Variants in GDAP2 observed in about 807,000 individuals in gnomAD.
GDAP2 encodes ganglioside induced differentiation associated protein 2, also known as ganglioside-induced differentiation-associated protein 2.
GDAP2 carries 51 observed loss-of-function variants against 67.0 expected under a neutral mutation model. That is an observed-to-expected ratio of 0.76 (90% CI 0.61 to 0.96). The LOEUF is 0.96. Among genes scored for constraint, GDAP2 ranks in the 40% least tolerant of loss-of-function variants. The pLI, the probability that GDAP2 is intolerant of heterozygous loss-of-function variation, is 0.00. For missense variants in GDAP2, 547 were observed against 588.3 expected, an observed-to-expected ratio of 0.93 and a Z score of 0.73; for synonymous variants, 203 against 207.3, an observed-to-expected ratio of 0.98 and a Z score of 0.18.
At chr1:117,909,505 T>C (rs1649776302) in intron 5 of GDAP2, among the ~76,000 whole-genome samples, 1 of 152,218 alleles carries the variant, frequency 6.6e-6, no homozygotes. Context: ...CTTCGAGTTA[T>C]ATCATTAGAT....
At chr1:117,902,642 CCA>C (rs1310596114) in intron 6 of GDAP2, among the ~76,000 whole-genome samples, 1 of 152,186 alleles carries the variant, frequency 6.6e-6, no homozygotes, top group African/African-American at 2.4e-5. Flanking sequence ...TATGCCAGTA[CCA>C]CAGTCTTGAT....
At position 117,883,588 on chromosome 1, in the gene GDAP2, C is replaced by A; in HGVS notation, c.1147G>T (p.Val383Leu). 2 of 1,601,686 alleles carry A rather than the reference C, an allele frequency of 1.2e-6. No individual in the cohort carries two copies. The highest frequency in any genetic ancestry group is 1.7e-6 in the Non-Finnish European group (2 of 1,169,210). ...AAATACACTAATACATACTCCTTCACAGCAATGTGATCCATTACATGAATG... is the reference window on the plus strand; with the variant it reads ...AAATACACTAATACATACTCCTTCAAAGCAATGTGATCCATTACATGAATG... ...YFIHVMDHIAVKEYVLVYFHT... is the reference protein window; with the variant it reads ...YFIHVMDHIALKEYVLVYFHT... The change falls in exon 11 of 14, where the codon GTG (valine) becomes TTG (leucine). Residue 383 changes from valine to leucine, a missense_variant. Coordinates refer to ENST00000369443, the MANE Select transcript of GDAP2 (RefSeq NM_017686.4).
At chr1:117,898,798 C>T (rs1444620118) in intron 7 of GDAP2, among the ~76,000 whole-genome samples, 1 of 152,188 alleles carries the variant, frequency 6.6e-6, no homozygotes, top group African/African-American at 2.4e-5. Flanking sequence ...GAAACTATAA[C>T]CTCCATTAGG....
chr1:117,877,391 G>A, intron 13 of GDAP2: 2 of 982,138 alleles, frequency 2.0e-6, no homozygotes, highest in Non-Finnish European at 2.4e-6. Flanking sequence ...TTGGCCAAGT[G>A]TGTTACTTTT....
At chr1:117,916,679 T>C (rs1021624131) in intron 3 of GDAP2, among the ~76,000 whole-genome samples, 2 of 152,122 alleles carry the variant, frequency 1.3e-5, no homozygotes, top group East Asian at 3.9e-4. Context: ...GGCATGGTGA[T>C]AGACTTTATG....
intron 7 of GDAP2, among the ~76,000 whole-genome samples, chr1:117,898,318 T>C (rs1649330152): frequency 6.6e-6 from 1 of 152,212 alleles, no homozygotes; most frequent in African/African-American, 2.4e-5. Context: ...TCCAGATATT[T>C]CACATTTCCT....
chr1:117,873,533 T>C (rs1292718460), intron 13 of GDAP2, among the ~76,000 whole-genome samples: 1 of 152,158 alleles, frequency 6.6e-6, no homozygotes, highest in Non-Finnish European at 1.5e-5. Flanking sequence ...TCATTTCTTT[T>C]CTCTGATCAT....
chr1:117,920,335 G>T lies in GDAP2; in HGVS notation c.23C>A (p.Ser8Tyr). 4 of 1,604,882 alleles carry T rather than the reference G, an allele frequency of 2.5e-6. No individual in the cohort carries two copies. The East Asian group carries it at 9.0e-5, about 36-fold the overall frequency. Residue 8 changes from serine (S) to tyrosine (Y), a missense_variant, in exon 2 of 14, where the codon TCC becomes TAC. Physicochemically the swap from Ser to Tyr is moderately radical, Grantham distance 144 (BLOSUM62 -2). Transcript: ENST00000369443. The part of the protein sequence containing the change: MDPLGAP[S>Y]QFVDVDTLPS... ...TAGTGTATCCACATCCACAAACTGG[G>T]AAGGTGCACCTAAGGGATCCATGGA...
At chr1:117,900,871 T>C (rs1208391693) in intron 6 of GDAP2, among the ~76,000 whole-genome samples, 1 of 148,604 alleles carries the variant, frequency 6.7e-6, no homozygotes, top group Non-Finnish European at 1.5e-5. Context: ...CCATCCTGGC[T>C]AACACAGTGA....
Position 117,886,635 on chromosome 1 carries a change from C to T in GDAP2, c.1049G>A (p.Arg350Gln), listed in dbSNP as rs996805670. 7 of 1,580,340 alleles carry T rather than the reference C, an allele frequency of 4.4e-6. No homozygotes were observed. The highest frequency in any genetic ancestry group is 5.2e-6 in the Non-Finnish European group (6 of 1,149,596). ...LYQTGVDNCG[R>Q]TVMVVVGRNI... ...TCTTCCAACTACCACCATCACTGTT[C>T]GACCACAGTTATCAACACCTATAAA... The change falls in exon 10 of 14, where the codon CGA becomes CAA. Residue 350 changes from arginine to glutamine, a missense_variant. Transcript: ENST00000369443.
At chr1:117,881,297 G>C (rs1648639954) in intron 12 of GDAP2, among the ~76,000 whole-genome samples, 1 of 152,148 alleles carries the variant, frequency 6.6e-6, no homozygotes, top group African/African-American at 2.4e-5. Context: ...TTAGGTAGTG[G>C]GAATATAATT....
At position 117,899,161 on chromosome 1, in the gene GDAP2, T is replaced by G. The variant is rs747747631; in HGVS notation, c.692A>C (p.Asn231Thr). The G allele has an allele frequency of 6.2e-7, 1 of 1,611,342 alleles. No homozygotes were observed. The highest frequency in any genetic ancestry group is 8.5e-7 in the Non-Finnish European group (1 of 1,177,488). Residue 231 changes from asparagine (N) to threonine (T), a missense_variant, in exon 7 of 14, where the codon AAT (asparagine) becomes ACT (threonine). Asn to Thr is a moderately conservative substitution (Grantham distance 65). Coordinates refer to ENST00000369443, the MANE Select transcript of GDAP2 (RefSeq NM_017686.4). The part of the protein sequence containing the change: ...LYFPRSLKEE[N>T]RSLPYLPADI... ...TGCAGGTAGGTAGGGCAATGATCGATTCTCCTCTTTTAATGACCTTGGGAA... is the reference window on the plus strand; with the variant it reads ...TGCAGGTAGGTAGGGCAATGATCGAGTCTCCTCTTTTAATGACCTTGGGAA...
chr1:117,907,947 A>G (rs182238709), intron 5 of GDAP2, among the ~76,000 whole-genome samples: 16 of 152,168 alleles, frequency 1.1e-4, no homozygotes, highest in African/African-American at 3.9e-4. Flanking sequence ...TCCCCCACTC[A>G]GCTCTTTAGT....
rs911238947 is a variant in GDAP2, at chr1:117,863,576, T to C, written c.*6993A>G. 2 of 152,246 alleles carry C rather than the reference T, an allele frequency of 1.3e-5. No individual in the cohort carries two copies. Among genetic ancestry groups the C allele is most frequent in the African/African-American group, 4.8e-5 (2 of 41,464 alleles). 9.4% of individuals were successfully genotyped at this position (152,246 alleles called of 1,614,324 possible). ...ACATCAATTTGAAATCAGCACATCA[T>C]ACAATTTTTAAAAGGAAATTTAGCT... On this transcript the variant is annotated 3_prime_UTR_variant, in exon 14 of 14. Coordinates refer to ENST00000369443, the MANE Select transcript of GDAP2 (RefSeq NM_017686.4).
In GDAP2 at chr1:117,912,576, C is replaced by T; in HGVS notation, c.424G>A (p.Glu142Lys). The change falls in exon 4 of 14, where the codon GAG becomes AAG. Residue 142 changes from glutamate (E) to lysine (K), a missense_variant. Coordinates refer to ENST00000369443, the MANE Select transcript of GDAP2 (RefSeq NM_017686.4). ...KYKSRYRTAA[E>K]SSLYSCYRNV... The stretch of plus-strand genomic sequence containing the variant: ...CTGTAGCAGCTATAAAGGGAACTCT[C>T]AGCTGCTGTGCGATAGCGGCTTTTA... 6.2e-7 allele frequency: 1 copy of T among 1,613,456 alleles called. No homozygotes were observed. The highest frequency in any genetic ancestry group is 1.1e-5 in the South Asian group (1 of 91,062).
intron 8 of GDAP2, among the ~76,000 whole-genome samples, chr1:117,890,064 T>A (rs1342553163): frequency 6.6e-6 from 1 of 152,132 alleles, no homozygotes; most frequent in Non-Finnish European, 1.5e-5. Context: ...GTTGCATATG[T>A]GAGACAGACA....
chr1:117,876,829 A>C (rs1206965872), intron 13 of GDAP2, among the ~76,000 whole-genome samples: 1 of 152,196 alleles, frequency 6.6e-6, no homozygotes, highest in African/African-American at 2.4e-5. Context: ...CACCCAACTT[A>C]TATATTTCTA....
At chr1:117,915,538 G>C (rs962894850) in intron 3 of GDAP2, among the ~76,000 whole-genome samples, 2 of 152,124 alleles carry the variant, frequency 1.3e-5, no homozygotes, top group Admixed American at 1.3e-4. Flanking sequence ...GAAATTAAAA[G>C]GTGGAATTCA....
intron 7 of GDAP2, among the ~76,000 whole-genome samples, chr1:117,898,433 A>T (rs573247849): frequency 6.6e-6 from 1 of 152,336 alleles, no homozygotes; most frequent in East Asian, 1.9e-4. Flanking sequence ...CATTTTTAAA[A>T]GAAATGTTCA....
Sources: gnomAD v4.1 joint callset for allele counts (sites outside exome capture counted in the v4.1 genomes callset) on GRCh38, gnomAD v4.1.1 for gene constraint, MANE v1.5 for transcripts, NCBI Gene and HGNC (gene_info 2026-07-23, HGNC 2026-07-21) for gene names.